ATL3: variants seen among roughly 807,000 people sequenced by gnomAD.
ATL3 encodes the protein atlastin-3.
A neutral mutation model predicts 69.5 loss-of-function variants in ATL3; 49 were observed. The observed-to-expected ratio is 0.71, with a 90% CI of 0.56 to 0.89. The LOEUF is 0.89. Ranked by LOEUF, ATL3 falls within the 40% of genes least tolerant of loss-of-function variation. The pLI, the probability that ATL3 is intolerant of heterozygous loss-of-function variation, is 0.00. For missense variants in ATL3, 606 were observed against 645.7 expected, an observed-to-expected ratio of 0.94 and a Z score of 0.67; for synonymous variants, 214 against 224.1, an observed-to-expected ratio of 0.95 and a Z score of 0.40.
At chr11:63,662,766 A>C (rs1590745137) in intron 1 of ATL3, among the ~76,000 whole-genome samples, 1 of 152,200 alleles carries the variant, frequency 6.6e-6, no homozygotes, top group South Asian at 2.1e-4. Context: ...GCGACACCGT[A>C]CCCAGCCAAG....
At chr11:63,637,545 G>C (rs1168754954) in intron 8 of ATL3, 1 of 152,188 alleles carries the variant, frequency 6.6e-6, no homozygotes, top group Non-Finnish European at 1.5e-5. Flanking sequence ...AAAGGTGACA[G>C]ATTCTCTGCA....
intron 3 of ATL3, among the ~76,000 whole-genome samples, chr11:63,656,247 A>C (rs1940243617): frequency 6.6e-6 from 1 of 151,960 alleles, no homozygotes; most frequent in African/African-American, 2.4e-5. Context: ...GAACTACATC[A>C]AAACACATAA....
chr11:63,632,883 G>GC (rs1430709025), intron 11 of ATL3, 143 bp downstream of exon 11: 2 of 787,102 alleles, frequency 2.5e-6, no homozygotes, highest in East Asian at 2.6e-5. Context: ...TAATTAGAAG[G>GC]CCCCCGTTAC....
At chr11:63,643,682 T>C (rs551678372) in intron 7 of ATL3, among the ~76,000 whole-genome samples, 187 bp from the exon 8 acceptor site, 1 of 152,290 alleles carries the variant, frequency 6.6e-6, no homozygotes, top group South Asian at 2.1e-4. Context: ...TTGACTCCTA[T>C]AGCTAGCAAA....
intron 3 of ATL3, 152 bp downstream of exon 3, chr11:63,658,609 T>C (rs1412620233): frequency 2.3e-6 from 2 of 868,622 alleles, no homozygotes; most frequent in South Asian, 3.0e-5. Context: ...CAGACTAAAA[T>C]TTCAGGACAA....
At chr11:63,647,199 A>G (rs915455353) in intron 5 of ATL3, among the ~76,000 whole-genome samples, 2 of 152,014 alleles carry the variant, frequency 1.3e-5, no homozygotes, top group African/African-American at 4.8e-5. Context: ...GTCTTTAAAA[A>G]AAAATTTTTT....
rs954873119 is a variant in ATL3 at position 63,625,601 on chromosome 11, G to C, written c.*3718C>G. Reference sequence around the variant, plus strand: ...CATTTTACAAGCCAAGTAGAACACTGTGTGTGATCCACTAATGAAACCAAC... The same window carrying C: ...CATTTTACAAGCCAAGTAGAACACTCTGTGTGATCCACTAATGAAACCAAC... On this transcript the variant is annotated 3_prime_UTR_variant, in exon 13 of 13. Transcript: ENST00000398868. 5.9e-5 allele frequency: 9 copies of C among 152,128 alleles called. No individual in the cohort carries two copies. The highest frequency in any genetic ancestry group is 1.3e-4 in the Non-Finnish European group (9 of 68,038). 9.4% of individuals were successfully genotyped at this position (152,128 alleles called of 1,614,324 possible).
intron 10 of ATL3, among the ~76,000 whole-genome samples, chr11:63,635,073 A>C (rs1380290006): frequency 2.6e-5 from 4 of 152,118 alleles, no homozygotes; most frequent in Non-Finnish European, 5.9e-5. Flanking sequence ...GAGGTATAAG[A>C]ATCACTTGAA....
chr11:63,634,333 T>C (rs1309483234), intron 10 of ATL3, among the ~76,000 whole-genome samples: 2 of 151,132 alleles, frequency 1.3e-5, no homozygotes, highest in African/African-American at 2.4e-5. Flanking sequence ...GGTGAAACCC[T>C]GTCTCTACTA....
rs746287353 is a variant in ATL3 at position 63,658,853 on chromosome 11, C to T, written c.313G>A (p.Gly105Arg). 1.2e-6 allele frequency: 2 copies of T among 1,612,256 alleles called. No homozygotes were observed. The highest frequency in any genetic ancestry group is 1.7e-6 in the Non-Finnish European group (2 of 1,179,280). ...WLGDPEEPLT[G>R]FSWRGGSDPE... Reference sequence around the variant, plus strand: ...TCAGATCCCCCTCTCCAGGAAAATCCTGTTAACGGTTCTTCTGGGTCACCC... The same window carrying T: ...TCAGATCCCCCTCTCCAGGAAAATCTTGTTAACGGTTCTTCTGGGTCACCC... The change falls in exon 3 of 13, where the codon GGA becomes AGA. Residue 105 changes from glycine to arginine, a missense_variant. Transcript: ENST00000398868.
At chr11:63,632,888 C>G in intron 11 of ATL3, 138 bp downstream of exon 11, 1 of 818,168 alleles carries the variant, frequency 1.2e-6, no homozygotes, top group Non-Finnish European at 2.0e-6. Flanking sequence ...AGAAGGCCCC[C>G]GTTACCAGGA....
At position 63,625,324 on chromosome 11, in the gene ATL3, A is replaced by G. The variant is rs1381507739; in HGVS notation, c.*3995T>C. ...GTTGACAACTTGAGATGGAAGATCA[A>G]ATCATCCTAAATTACATTTCAATAG... On this transcript the variant is annotated 3_prime_UTR_variant, in exon 13 of 13. Transcript: ENST00000398868. The G allele has an allele frequency of 6.6e-6, 1 of 152,226 alleles. No homozygotes were observed. Among genetic ancestry groups the G allele is most frequent in the Admixed American group, 6.5e-5 (1 of 15,272 alleles). The allele number at this position is 152,226 out of a possible 1,614,324, so 9.4% of individuals were successfully genotyped here.
At chr11:63,663,476 A>G (rs1940483805) in intron 1 of ATL3, among the ~76,000 whole-genome samples, 1 of 152,208 alleles carries the variant, frequency 6.6e-6, no homozygotes, top group African/African-American at 2.4e-5. Flanking sequence ...ATTGGAAAAC[A>G]AGTTATAAAT....
chr11:63,668,790 C>CTTTTTTTTTT (rs386373974), intron 1 of ATL3, among the ~76,000 whole-genome samples: 4 of 81,500 alleles, frequency 4.9e-5, no homozygotes, highest in Admixed American at 1.7e-4. Context: ...AGCTGTGTTC[C>CTTTTTTTTTT]TTTTTTTTTT....
intron 8 of ATL3, among the ~76,000 whole-genome samples, chr11:63,638,758 C>T (rs1000967653): frequency 3.3e-5 from 5 of 151,648 alleles, no homozygotes; most frequent in Admixed American, 6.6e-5. Context: ...GCTATTCTAG[C>T]TAATTACTTC....
chr11:63,633,809 C>A (rs538527552), intron 10 of ATL3, among the ~76,000 whole-genome samples: 9 of 147,946 alleles, frequency 6.1e-5, no homozygotes, highest in Admixed American at 2.0e-4. Flanking sequence ...CCGAGGCTGG[C>A]GGATCATAAG....
At chr11:63,656,101 G>A (rs752766956) in intron 3 of ATL3, among the ~76,000 whole-genome samples, 1 of 151,972 alleles carries the variant, frequency 6.6e-6, no homozygotes, top group Non-Finnish European at 1.5e-5. Flanking sequence ...GTAGGCGCCT[G>A]TAGTCCCAGC....
chr11:63,663,552 C>T (rs1365836295), intron 1 of ATL3, among the ~76,000 whole-genome samples: 1 of 152,138 alleles, frequency 6.6e-6, no homozygotes, highest in Admixed American at 6.5e-5. Flanking sequence ...CTGTTATTGC[C>T]TGGATTAAAA....
intron 1 of ATL3, among the ~76,000 whole-genome samples, chr11:63,662,879 C>A (rs1209225230): frequency 6.6e-6 from 1 of 151,968 alleles, no homozygotes; most frequent in East Asian, 1.9e-4. Flanking sequence ...GCCAAGAAGT[C>A]CATTTAAAGT....
Sources: allele counts gnomAD v4.1 joint callset (sites outside exome capture counted in the v4.1 genomes callset), GRCh38; gene constraint gnomAD v4.1.1; transcripts MANE v1.5; gene names NCBI Gene and HGNC (gene_info 2026-07-23, HGNC 2026-07-21).